The following BRINP3 variants were observed in gnomAD, a reference collection of about 807,000 sequenced individuals.
BRINP3 encodes the protein BMP/retinoic acid-inducible neural-specific protein 3.
Under a neutral mutation model 71.0 loss-of-function variants are expected in BRINP3, and 19 were observed. The ratio of observed to expected loss-of-function variants is 0.27; its 90% CI spans 0.19 to 0.39. The LOEUF is 0.39. Among genes scored for constraint, BRINP3 ranks in the 10% least tolerant of loss-of-function variants. The probability of loss-of-function intolerance (pLI) is 1.00; values close to 1 mark genes in which losing one functional copy is unlikely to be tolerated. For missense variants in BRINP3, 959 were observed against 940.8 expected, an observed-to-expected ratio of 1.02 and a Z score of -0.25; for synonymous variants, 380 against 337.7, an observed-to-expected ratio of 1.13 and a Z score of -1.37.
At chr1:190,456,960 A>T (rs1676034998) in intron 1 of BRINP3, among the ~76,000 whole-genome samples, 1 of 152,192 alleles carries the variant, frequency 6.6e-6, no homozygotes, top group Non-Finnish European at 1.5e-5. Context: ...GAACAAGAAT[A>T]TTATTGAAAA....
intron 2 of BRINP3, among the ~76,000 whole-genome samples, chr1:190,323,183 T>C (rs1339917858): frequency 6.6e-6 from 1 of 152,054 alleles, no homozygotes; most frequent in Non-Finnish European, 1.5e-5. Flanking sequence ...GTCTAGGTAG[T>C]GCAAATTTAA....
rs74130763 is a variant in BRINP3 at position 190,435,677 on chromosome 1, A to G, written c.236+18978T>C. Among the ~76,000 whole-genome samples the G allele has an allele frequency of 9.7e-3, 1,476 of 152,126 alleles. 25 individuals carry two copies. Among genetic ancestry groups the G allele is most frequent in the African/African-American group, 0.033 (1,386 of 41,564 alleles). The stretch of plus-strand genomic sequence containing the variant: ...GGCACCCCAGGATTCAAAATCTGTT[A>G]CTGTCTCTACTTTTCACAGCAAGAA... On this transcript the variant is annotated intron_variant, in intron 2 of 7. Coordinates refer to ENST00000367462, the MANE Select transcript of BRINP3 (RefSeq NM_199051.3).
chr1:190,429,212 C>A (rs953011223), intron 2 of BRINP3, among the ~76,000 whole-genome samples: 1 of 152,108 alleles, frequency 6.6e-6, no homozygotes, highest in Non-Finnish European at 1.5e-5. Context: ...TTTATAAACA[C>A]TTGTTCTACA....
chr1:190,417,359 C>T (rs1673075399), intron 2 of BRINP3, among the ~76,000 whole-genome samples: 1 of 151,996 alleles, frequency 6.6e-6, no homozygotes, highest in African/African-American at 2.4e-5. Flanking sequence ...ATTTGTATTG[C>T]TCTAATTTTA....
intron 6 of BRINP3, among the ~76,000 whole-genome samples, chr1:190,174,451 T>G (rs1411717594): frequency 6.6e-6 from 1 of 152,062 alleles, no homozygotes; most frequent in East Asian, 1.9e-4. Flanking sequence ...CATACACACA[T>G]GTACATTGGA....
chr1:190,368,514 T>C (rs1669653231), intron 2 of BRINP3, among the ~76,000 whole-genome samples: 1 of 152,096 alleles, frequency 6.6e-6, no homozygotes, highest in South Asian at 2.1e-4. Context: ...CATCAAGAGT[T>C]TTGCCTAGGA....
At chr1:190,218,350 A>T (rs938297028) in intron 6 of BRINP3, among the ~76,000 whole-genome samples, 2 of 152,012 alleles carry the variant, frequency 1.3e-5, no homozygotes, top group African/African-American at 4.8e-5. Flanking sequence ...AGATTTATTC[A>T]TATTTTGGAT....
chr1:190,371,699 C>T (rs937680954), intron 2 of BRINP3, among the ~76,000 whole-genome samples: 4 of 151,996 alleles, frequency 2.6e-5, no homozygotes, highest in African/African-American at 7.3e-5. Context: ...TTTCTAGTCC[C>T]TTGAGAAATG....
intron 2 of BRINP3, among the ~76,000 whole-genome samples, chr1:190,403,898 A>C (rs546210491): frequency 1.3e-5 from 2 of 152,328 alleles, no homozygotes; most frequent in African/African-American, 4.8e-5. Context: ...TATGGAAATA[A>C]ATCCTTGGCT....
chr1:190,319,835 A>T (rs1666119835), intron 2 of BRINP3, among the ~76,000 whole-genome samples: 1 of 152,098 alleles, frequency 6.6e-6, no homozygotes, highest in Non-Finnish European at 1.5e-5. Flanking sequence ...TTGGATGGGG[A>T]CAAAGATCCA....
At chr1:190,217,177 C>T (rs1656487448) in intron 6 of BRINP3, 2 of 151,902 alleles carry the variant, frequency 1.3e-5, no homozygotes, top group Admixed American at 1.3e-4. Flanking sequence ...CCAAAGCTTT[C>T]CCAACCATCA....
chr1:190,189,413 T>C (rs1262189489), intron 6 of BRINP3, among the ~76,000 whole-genome samples: 2 of 152,120 alleles, frequency 1.3e-5, no homozygotes, highest in African/African-American at 4.8e-5. Flanking sequence ...CTTTTGATGC[T>C]GTTTCAAAAA....
At chr1:190,363,294 G>C (rs1013041358) in intron 2 of BRINP3, among the ~76,000 whole-genome samples, 1 of 152,148 alleles carries the variant, frequency 6.6e-6, no homozygotes, top group Non-Finnish European at 1.5e-5. Context: ...GAGGAATCTA[G>C]TCAACACCTT....
chr1:190,135,718 G>A (rs1011250212), intron 7 of BRINP3, among the ~76,000 whole-genome samples: 1 of 151,722 alleles, frequency 6.6e-6, no homozygotes, highest in African/African-American at 2.4e-5. Flanking sequence ...TTTGTAAAGG[G>A]GTAGATTACA....
chr1:190,458,768 A>C (rs1676180772), intron 1 of BRINP3, among the ~76,000 whole-genome samples: 1 of 151,946 alleles, frequency 6.6e-6, no homozygotes, highest in Non-Finnish European at 1.5e-5. Flanking sequence ...AGAGGATAGA[A>C]ATTATTAAAC....
At chr1:190,204,457 C>T (rs1655313641) in intron 6 of BRINP3, among the ~76,000 whole-genome samples, 1 of 114,414 alleles carries the variant, frequency 8.7e-6, no homozygotes, top group African/African-American at 3.7e-5. Flanking sequence ...GATGGAAAAA[C>T]TAGGATTCAT....
chr1:190,257,107 T>C (rs1313746301), intron 4 of BRINP3, among the ~76,000 whole-genome samples: 3 of 152,174 alleles, frequency 2.0e-5, no homozygotes, highest in Non-Finnish European at 4.4e-5. Context: ...CATTCTCCTG[T>C]CAGTTTCACG....
chr1:190,408,971 C>G (rs1672481992), intron 2 of BRINP3, among the ~76,000 whole-genome samples: 1 of 152,132 alleles, frequency 6.6e-6, no homozygotes, highest in Non-Finnish European at 1.5e-5. Flanking sequence ...TTGTAACAAC[C>G]TGGAAGTGGG....
intron 6 of BRINP3, among the ~76,000 whole-genome samples, chr1:190,201,540 A>C (rs1344299432): frequency 2.0e-5 from 3 of 152,184 alleles, no homozygotes; most frequent in Admixed American, 2.0e-4. Context: ...GAAAATAGGG[A>C]AAATGTCTCC....
Sources: allele counts gnomAD v4.1 joint callset (sites outside exome capture counted in the v4.1 genomes callset), GRCh38; gene constraint gnomAD v4.1.1; transcripts MANE v1.5; gene names NCBI Gene and HGNC (gene_info 2026-07-23, HGNC 2026-07-21).